The following ACOT1 variants were observed in gnomAD, a reference collection of about 807,000 sequenced individuals.
The protein encoded by ACOT1 is acyl-CoA thioesterase 1.
ACOT1 carries 8 observed loss-of-function variants against 15.7 expected under a neutral mutation model. That is an observed-to-expected ratio of 0.51 (90% CI 0.30 to 0.92). The LOEUF (loss-of-function observed/expected upper bound fraction) is 0.92. ACOT1 is among the 40% of genes least tolerant of loss of function. The pLI, the probability that ACOT1 is intolerant of heterozygous loss-of-function variation, is 0.06. For missense variants in ACOT1, 151 were observed against 539.4 expected (o/e 0.28, Z 7.13); for synonymous variants, 67 against 241.2 (o/e 0.28, Z 6.69).
In ACOT1 at chr14:73,537,745, G is replaced by T; in HGVS notation, c.324G>T (p.Val108=). The part of the protein sequence containing the change: ...VRTPLAVELE[V]LDGHDPDPGR... ...CGCCCTTGGCCGTGGAGCTGGAGGT[G>T]CTGGATGGCCACGACCCCGACCCCG... The change falls in exon 1 of 3, where the codon GTG becomes GTT. Residue 108 remains valine (V), a synonymous_variant. Coordinates refer to ENST00000311148, the MANE Select transcript of ACOT1 (RefSeq NM_001037161.2). 1.6e-6 allele frequency: 2 copies of T among 1,244,090 alleles called. No homozygotes were observed. The highest frequency in any genetic ancestry group is 1.1e-6 in the Non-Finnish European group (1 of 938,756). The allele number at this position is 1,244,090 out of a possible 1,614,324, so 77.1% of individuals were successfully genotyped here. A position where few individuals can be genotyped will look rare whatever the true frequency, so the allele number is the denominator to read the frequency against.
the ACOT1 span, among the ~76,000 whole-genome samples, chr14:73,515,444 C>A: frequency 6.6e-6 from 1 of 151,854 alleles, no homozygotes; most frequent in Non-Finnish European, 1.5e-5. Context: ...CTTTGGGAGG[C>A]CAAAGCGGGT....
chr14:73,511,686 T>G, the ACOT1 span, among the ~76,000 whole-genome samples: 1 of 151,956 alleles, frequency 6.6e-6, no homozygotes, highest in African/African-American at 2.4e-5. Flanking sequence ...ACTAGCCTGG[T>G]CAACATAGCA....
the ACOT1 span, among the ~76,000 whole-genome samples, chr14:73,523,456 T>C: frequency 0.84 from 127,850 of 152,258 alleles, 54,242 homozygotes; most frequent in African/African-American, 0.96. Flanking sequence ...CTCATCTCCG[T>C]GTGAGGGATG....
chr14:73,504,138 C>T, the ACOT1 span, among the ~76,000 whole-genome samples: 1 of 146,218 alleles, frequency 6.8e-6, no homozygotes, highest in African/African-American at 2.5e-5. Context: ...AGTGCAATGG[C>T]ACGATCTCGG....
the ACOT1 span, among the ~76,000 whole-genome samples, chr14:73,502,046 ATTT>A: frequency 1.5e-5 from 2 of 133,936 alleles, no homozygotes; most frequent in Non-Finnish European, 3.2e-5. Flanking sequence ...CGCCCGGCCA[ATTT>A]TTTTTTTTTT....
At chr14:73,534,359 A>T, upstream of ACOT1, among the ~76,000 whole-genome samples, 1 of 109,376 alleles carries the variant, frequency 9.1e-6, no homozygotes, top group Middle Eastern at 4.9e-3. Flanking sequence ...AGCCTGGGCG[A>T]CAGAGCAAGA....
At chr14:73,502,282 G>A in the ACOT1 span, among the ~76,000 whole-genome samples, 1 of 151,964 alleles carries the variant, frequency 6.6e-6, no homozygotes, top group Admixed American at 6.6e-5. Context: ...CAGCAGTTAT[G>A]GTATATGCCA....
the ACOT1 span, chr14:73,522,819 G>A: frequency 2.7e-3 from 4,379 of 1,614,164 alleles, 93 homozygotes; most frequent in African/African-American, 0.05. Context: ...TTCTGAGGCC[G>A]GGCCTTCCTG....
chr14:73,490,980 C>G, the ACOT1 span: 20 of 1,321,354 alleles, frequency 1.5e-5, no homozygotes, highest in South Asian at 4.3e-4. Flanking sequence ...AGCTTCGCCC[C>G]CGGCCGGCCG....
At chr14:73,512,014 C>A in the ACOT1 span, 4 of 1,613,836 alleles carry the variant, frequency 2.5e-6, no homozygotes, top group South Asian at 4.4e-5. Context: ...ACCTGAGTCT[C>A]TCTGGCTGGT....
chr14:73,506,804 GTTTTTT>G, the ACOT1 span, among the ~76,000 whole-genome samples: 57 of 80,492 alleles, frequency 7.1e-4, 1 homozygote, highest in Middle Eastern at 8.3e-3. Context: ...GACTTTAACT[GTTTTTT>G]TTTTTTTTTT....
the ACOT1 span, chr14:73,491,197 C>T: frequency 6.3e-7 from 1 of 1,596,672 alleles, no homozygotes; most frequent in Non-Finnish European, 8.5e-7. Context: ...CGCTGCCTAG[C>T]GAGAACTCGG....
chr14:73,514,626 A>G, the ACOT1 span, among the ~76,000 whole-genome samples: 2 of 152,218 alleles, frequency 1.3e-5, no homozygotes, highest in Non-Finnish European at 2.9e-5. Flanking sequence ...TTTCTAAAGT[A>G]TTAAGTTTTC....
At chr14:73,493,965 T>C in the ACOT1 span, among the ~76,000 whole-genome samples, 1 of 152,256 alleles carries the variant, frequency 6.6e-6, no homozygotes, top group African/African-American at 2.4e-5. Flanking sequence ...ACCAGCTTGT[T>C]CAGTTTTAAG....
At chr14:73,527,562 A>AG in the ACOT1 span, among the ~76,000 whole-genome samples, 1 of 151,298 alleles carries the variant, frequency 6.6e-6, no homozygotes, top group Admixed American at 6.6e-5. Context: ...AAGAAAAAAA[A>AG]TCAAGCATCA....
At chr14:73,531,711 C>G in the ACOT1 span, among the ~76,000 whole-genome samples, 3 of 112,314 alleles carry the variant, frequency 2.7e-5, 1 homozygote, top group African/African-American at 8.7e-5. Context: ...CACCCAGCCT[C>G]TTGGTCATTC....
At chr14:73,491,760 A>C in the ACOT1 span, 1 of 1,564,298 alleles carries the variant, frequency 6.4e-7, no homozygotes, top group Non-Finnish European at 8.7e-7. Flanking sequence ...GCTGACCTGG[A>C]TTCGATGCTG....
the ACOT1 span, chr14:73,498,318 G>A: frequency 6.2e-7 from 1 of 1,608,496 alleles, no homozygotes; most frequent in Non-Finnish European, 8.5e-7. Context: ...GTCAGCTCGG[G>A]ACTTACTTGC....
chr14:73,523,325 G>C, the ACOT1 span: 1 of 611,026 alleles, frequency 1.6e-6, no homozygotes, highest in Admixed American at 3.1e-5. Flanking sequence ...CAGATGGAAA[G>C]GGGGTGGGGA....
Sources: gnomAD v4.1 joint callset for allele counts (sites outside exome capture counted in the v4.1 genomes callset) on GRCh38, gnomAD v4.1.1 for gene constraint, MANE v1.5 for transcripts, NCBI Gene and HGNC (gene_info 2026-07-23, HGNC 2026-07-21) for gene names.